GRAMD1B: variants seen among roughly 807,000 people sequenced by gnomAD.
GRAMD1B encodes GRAM domain containing 1B.
Under a neutral mutation model 99.7 loss-of-function variants are expected in GRAMD1B, and 37 were observed. The ratio of observed to expected loss-of-function variants is 0.37; its 90% confidence interval spans 0.29 to 0.49. GRAMD1B has a LOEUF of 0.49. Among genes scored for constraint, GRAMD1B ranks in the 20% least tolerant of loss-of-function variants. The probability of loss-of-function intolerance (pLI) is 0.98; values close to 1 mark genes in which losing one functional copy is unlikely to be tolerated. For synonymous variants in GRAMD1B, 427 were observed against 387.6 expected (o/e 1.10, Z -1.19); for missense variants, 888 against 1,009.2 (o/e 0.88, Z 1.63).
At chr11:123,600,401 G>T in intron 7 of GRAMD1B, 67 bp from the exon 8 acceptor site, 2 of 977,070 alleles carry the variant, frequency 2.0e-6, no homozygotes, top group Non-Finnish European at 3.2e-6. Flanking sequence ...AAGGATGGAG[G>T]ACCATGTCCC....
rs574227331 is a variant in GRAMD1B, at chr11:123,477,113, C to T, written c.375-3703C>T. On this transcript the variant is annotated intron_variant, in intron 1 of 19. Coordinates refer to ENST00000635736, the MANE Select transcript of GRAMD1B (RefSeq NM_001387025.1). ...CATTTACATAGCAGTTAAAATGTGG[C>T]AGATGCTCTTTTTCATACTTCACAT... 1.5e-4 allele frequency among the ~76,000 whole-genome samples: 23 copies of T among 152,224 alleles called. No homozygotes were observed. The South Asian group carries it at 4.6e-3, about 30-fold the overall frequency.
chr11:123,579,867 C>T (rs1421394622), intron 3 of GRAMD1B, among the ~76,000 whole-genome samples: 1 of 152,134 alleles, frequency 6.6e-6, no homozygotes, highest in Non-Finnish European at 1.5e-5. Flanking sequence ...TTTGGAGATG[C>T]TAAAAGGAGA....
intron 1 of GRAMD1B, among the ~76,000 whole-genome samples, chr11:123,410,843 T>C (rs888072990): frequency 1.3e-5 from 2 of 152,098 alleles, no homozygotes; most frequent in Non-Finnish European, 2.9e-5. Context: ...CCAAGTGACT[T>C]CTAGGCAAGC....
At position 123,618,302 on chromosome 11, in the gene GRAMD1B, T is replaced by TAAC. The variant is rs1954709750; in HGVS notation, c.2319-390_2319-388dup. On this transcript the variant is annotated intron_variant, in intron 17 of 19. Coordinates refer to ENST00000635736, the MANE Select transcript of GRAMD1B (RefSeq NM_001387025.1). ...CCCCTTCCCCACACTTGCCTGTTTC[T>TAAC]AACCTCTGCCTCCTCCCCATTTTTC... 1.9e-6 allele frequency: 3 copies of TAAC among 1,594,944 alleles called. No individual in the cohort carries two copies. In the East Asian group the frequency reaches 6.7e-5, roughly 36 times the overall value.
chr11:123,608,437 T>G, intron 11 of GRAMD1B: 1 of 1,407,194 alleles, frequency 7.1e-7, no homozygotes, highest in Non-Finnish European at 9.6e-7. Context: ...GAATGGGTAG[T>G]GTCAGCTAAA....
intron 19 of GRAMD1B, among the ~76,000 whole-genome samples, chr11:123,621,428 A>G (rs1363652184): frequency 6.6e-6 from 1 of 152,230 alleles, no homozygotes; most frequent in East Asian, 1.9e-4. Context: ...GAACCCACTC[A>G]GTTCTCTGCA....
At chr11:123,511,925 C>A (rs565209769) in intron 2 of GRAMD1B, among the ~76,000 whole-genome samples, 1 of 152,348 alleles carries the variant, frequency 6.6e-6, no homozygotes, top group African/African-American at 2.4e-5. Context: ...ATCTCCTGGT[C>A]TGCACAAAGG....
intron 1 of GRAMD1B, among the ~76,000 whole-genome samples, chr11:123,455,396 G>C (rs1483912778): frequency 6.6e-6 from 1 of 152,100 alleles, no homozygotes; most frequent in Non-Finnish European, 1.5e-5. Flanking sequence ...CAGTGTGCTA[G>C]GATTACAGGC....
intron 2 of GRAMD1B, among the ~76,000 whole-genome samples, chr11:123,496,257 T>C (rs1047028322): frequency 3.3e-5 from 5 of 152,198 alleles, no homozygotes; most frequent in Admixed American, 6.5e-5. Context: ...GTTTTTTTTT[T>C]CCTTCGGCAC....
At chr11:123,598,366 GCT>G (rs1472664639) in intron 7 of GRAMD1B, 4 of 1,057,466 alleles carry the variant, frequency 3.8e-6, no homozygotes, top group East Asian at 2.4e-5. Flanking sequence ...TCACTGATTT[GCT>G]CTTTTTCGTC....
chr11:123,445,281 G>T (rs972497772), intron 1 of GRAMD1B, among the ~76,000 whole-genome samples: 1 of 152,178 alleles, frequency 6.6e-6, no homozygotes, highest in African/African-American at 2.4e-5. Flanking sequence ...TGACCCCTCA[G>T]AGCAATCTGC....
chr11:123,461,359 T>C (rs551212902), intron 1 of GRAMD1B, among the ~76,000 whole-genome samples: 1 of 152,350 alleles, frequency 6.6e-6, no homozygotes, highest in East Asian at 1.9e-4. Context: ...CATTTCTGTC[T>C]GCAGCTGGCC....
At chr11:123,511,549 G>T (rs954394529) in intron 2 of GRAMD1B, among the ~76,000 whole-genome samples, 1 of 152,158 alleles carries the variant, frequency 6.6e-6, no homozygotes, top group Non-Finnish European at 1.5e-5. Flanking sequence ...CATCTAAGGA[G>T]GCTGAGTCTG....
chr11:123,488,011 C>G (rs1014791844), intron 2 of GRAMD1B, among the ~76,000 whole-genome samples: 11 of 152,200 alleles, frequency 7.2e-5, no homozygotes, highest in African/African-American at 2.7e-4. Flanking sequence ...AAAATTATTT[C>G]TTTCCATTTT....
intron 2 of GRAMD1B, among the ~76,000 whole-genome samples, chr11:123,508,266 C>G (rs1453638299): frequency 6.6e-6 from 1 of 152,110 alleles, no homozygotes; most frequent in Non-Finnish European, 1.5e-5. Flanking sequence ...AAGAGAGTGC[C>G]TTAGACAGGA....
intron 3 of GRAMD1B, among the ~76,000 whole-genome samples, chr11:123,581,945 C>T (rs1394366062): frequency 6.6e-6 from 1 of 152,238 alleles, no homozygotes; most frequent in South Asian, 2.1e-4. Flanking sequence ...CACAGGCATC[C>T]GGGGTCCCCC....
chr11:123,492,562 A>T lies in GRAMD1B; in HGVS notation c.452+11669A>T, dbSNP rs1052379581. Reference sequence around the variant, plus strand: ...TGCCCTCTTGGCCTCTGTAACTAGAAGAAGGAGATTTCCTGGAGGAGGAAG... The same window carrying T: ...TGCCCTCTTGGCCTCTGTAACTAGATGAAGGAGATTTCCTGGAGGAGGAAG... On this transcript the variant is annotated intron_variant, in intron 2 of 19. Coordinates refer to ENST00000635736, the MANE Select transcript of GRAMD1B (RefSeq NM_001387025.1). The surrounding 1 kb of genome is among the most constrained non-coding windows in gnomAD (Gnocchi z 4.2). Among the ~76,000 whole-genome samples the T allele has an allele frequency of 2.0e-5, 3 of 152,156 alleles. No homozygotes were observed. Among genetic ancestry groups the T allele is most frequent in the Non-Finnish European group, 4.4e-5 (3 of 68,022 alleles).
intron 1 of GRAMD1B, among the ~76,000 whole-genome samples, chr11:123,386,831 C>T (rs1366180858): frequency 1.3e-5 from 2 of 152,242 alleles, no homozygotes; most frequent in African/African-American, 2.4e-5. Context: ...CGCAGCTAGG[C>T]AGAGCATGCT....
rs1470991948 is a variant in GRAMD1B at position 123,594,748 on chromosome 11, A to C, written c.783A>C (p.Ala261=). 6.3e-7 allele frequency: 1 copy of C among 1,581,150 alleles called. No individual in the cohort carries two copies. The highest frequency in any genetic ancestry group is 1.1e-5 in the South Asian group (1 of 90,420). Residue 261 remains alanine (A), a synonymous_variant, in exon 6 of 20, where the codon GCA becomes GCC. Transcript: ENST00000635736. ...TERLIVDYSC[A]LQRDILLQGR... ...CTCCTACCACAGATTACTCATGTGC[A>C]CTCCAAAGAGACATTCTCCTTCAGG...
Sources: allele counts gnomAD v4.1 joint callset (sites outside exome capture counted in the v4.1 genomes callset), GRCh38; gene constraint gnomAD v4.1.1; non-coding constraint Gnocchi (gnomAD v3.1); transcripts MANE v1.5; gene names NCBI Gene and HGNC (gene_info 2026-07-23, HGNC 2026-07-21).